SKAP1: variants seen among roughly 807,000 people sequenced by gnomAD.
The protein encoded by SKAP1 is src kinase-associated phosphoprotein 1.
A neutral mutation model predicts 58.5 loss-of-function variants in SKAP1; 44 were observed. The ratio of observed to expected loss-of-function variants is 0.75; its 90% CI spans 0.59 to 0.97. SKAP1 has a LOEUF of 0.97. Ranked by LOEUF, SKAP1 falls within the 50% of genes least tolerant of loss-of-function variation. The pLI, the probability that SKAP1 is intolerant of heterozygous loss-of-function variation, is 0.00. For missense variants in SKAP1, 390 were observed against 435.2 expected (o/e 0.90, Z 0.92); for synonymous variants, 127 against 149.7 (o/e 0.85, Z 1.11).
In SKAP1 at chr17:48,265,500, A is replaced by G. The variant is rs1249068310; in HGVS notation, c.281-76000T>C. ...AGCCTGGGCCTGTCTCAAAAAAAAA[A>G]AAAGCAAGCAAGCAAGCAAGCAAGC... On this transcript the variant is annotated intron_variant, in intron 4 of 12. Transcript: ENST00000336915. Among the ~76,000 whole-genome samples the G allele has an allele frequency of 3.3e-4, 40 of 119,708 alleles. No individual in the cohort carries two copies. The Middle Eastern group carries it at 0.02, about 61-fold the overall frequency. The allele number at this position is 119,708 out of a possible 152,430, so 78.5% of individuals were successfully genotyped here.
At chr17:48,218,815 T>C (rs2064970210) in intron 4 of SKAP1, among the ~76,000 whole-genome samples, 3 of 152,120 alleles carry the variant, frequency 2.0e-5, no homozygotes, top group Non-Finnish European at 4.4e-5. Flanking sequence ...TTACTTCTAT[T>C]GTAGGGTGAT....
intron 2 of SKAP1, among the ~76,000 whole-genome samples, chr17:48,364,288 C>G (rs896984037): frequency 1.1e-4 from 17 of 151,936 alleles, no homozygotes; most frequent in African/African-American, 4.1e-4. Context: ...TTTTTTTTCT[C>G]TGTTACCCAG....
chr17:48,179,849 C>A (rs147239881), intron 9 of SKAP1, among the ~76,000 whole-genome samples: 6 of 152,330 alleles, frequency 3.9e-5, no homozygotes, highest in Admixed American at 2.0e-4. Flanking sequence ...AGAAGACACT[C>A]ATTAATCAAA....
intron 3 of SKAP1, among the ~76,000 whole-genome samples, chr17:48,349,108 G>T (rs1444126250): frequency 2.6e-5 from 4 of 152,226 alleles, no homozygotes; most frequent in African/African-American, 9.6e-5. Flanking sequence ...ACACTCCCAT[G>T]TAATTGAAAT....
At position 48,371,654 on chromosome 17, in the gene SKAP1, CAAAAAAAAAAAAAAAAAAAAA is replaced by C. The variant is rs71141985; in HGVS notation, c.153-7861_153-7841del. On this transcript the variant is annotated intron_variant, in intron 2 of 12. Coordinates refer to ENST00000336915, the MANE Select transcript of SKAP1 (RefSeq NM_003726.4). The stretch of plus-strand genomic sequence containing the variant: ...GTAACATGGTGAAACCTTGTCTCCA[CAAAAAAAAAAAAAAAAAAAAA>C]AAAAAAAAAAAGCCAGGCATGGTGG... Among the ~76,000 whole-genome samples, 2 of 37,892 alleles carry C rather than the reference CAAAAAAAAAAAAAAAAAAAAA, an allele frequency of 5.3e-5. 1 individual carries two copies. Among genetic ancestry groups the C allele is most frequent in the South Asian group, 3.7e-3 (2 of 546 alleles). The allele number at this position is 37,892 out of a possible 152,430, so 24.9% of individuals were successfully genotyped here.
Position 48,363,909 on chromosome 17 carries a change from G to C in SKAP1, c.153-95C>G, listed in dbSNP as rs943785337. 4 of 931,568 alleles carry C rather than the reference G, an allele frequency of 4.3e-6. No individual in the cohort carries two copies. The African/African-American group carries it at 6.6e-5, about 15-fold the overall frequency. The allele number at this position is 931,568 out of a possible 1,614,324, so 57.7% of individuals were successfully genotyped here. A position where few individuals can be genotyped will look rare whatever the true frequency, so the allele number is the denominator to read the frequency against. On this transcript the variant is annotated intron_variant, in intron 2 of 12. Coordinates refer to ENST00000336915, the MANE Select transcript of SKAP1 (RefSeq NM_003726.4). ...ATAGCTATAGCACCTGGTCCAAAAA[G>C]CTTGCTAAAGTCTATAACCAGCCAA...
the SKAP1 span, among the ~76,000 whole-genome samples, chr17:48,440,007 TATCTCTGGGACGAAGCACCA>T: frequency 5.3e-5 from 8 of 152,144 alleles, no homozygotes; most frequent in African/African-American, 1.9e-4. Flanking sequence ...CCCTTCCTCT[TATCTCTGGGACGAAGCACCA>T]GGACGCGGGC....
chr17:48,332,093 T>G (rs2066514187), intron 4 of SKAP1, among the ~76,000 whole-genome samples: 1 of 152,096 alleles, frequency 6.6e-6, no homozygotes, highest in Non-Finnish European at 1.5e-5. Context: ...TTTTAGTTTG[T>G]TTTTTAAAAG....
rs1346380610 is a variant in SKAP1, at chr17:48,162,483, G to A, written c.964C>T (p.Arg322Cys). 4.3e-6 allele frequency: 7 copies of A among 1,613,472 alleles called. No individual in the cohort carries two copies. The highest frequency in any genetic ancestry group is 1.3e-5 in the African/African-American group (1 of 74,986). ...ELSFQRGDLIRILSKEYNMYG... is the reference protein window; with the variant it reads ...ELSFQRGDLICILSKEYNMYG... ...TCTGTCCTTACCTTGCTCAGAATAC[G>A]GATGAGGTCACCCCGTTGGAAGGAC... The change falls in exon 11 of 13, where the codon CGT becomes TGT. Residue 322 changes from arginine to cysteine, a missense_variant. Transcript: ENST00000336915.
At chr17:48,275,400 G>T (rs1290079750) in intron 4 of SKAP1, among the ~76,000 whole-genome samples, 2 of 152,116 alleles carry the variant, frequency 1.3e-5, no homozygotes, top group Non-Finnish European at 2.9e-5. Flanking sequence ...TCCTCTGTCT[G>T]CTTCATCGTA....
intron 4 of SKAP1, among the ~76,000 whole-genome samples, chr17:48,269,855 A>G (rs2065604302): frequency 1.3e-5 from 2 of 152,136 alleles, no homozygotes; most frequent in Admixed American, 6.6e-5. Flanking sequence ...GCACTTTGGG[A>G]GGCTGAGGCG....
intron 4 of SKAP1, among the ~76,000 whole-genome samples, chr17:48,208,330 A>G (rs540575827): frequency 6.6e-6 from 1 of 152,306 alleles, no homozygotes; most frequent in South Asian, 2.1e-4. Flanking sequence ...GGGACCTGTG[A>G]GCACCGGGGA....
intron 11 of SKAP1, among the ~76,000 whole-genome samples, chr17:48,159,552 G>A (rs769244802): frequency 1.1e-4 from 16 of 152,322 alleles, no homozygotes; most frequent in African/African-American, 2.9e-4. Flanking sequence ...CCTTACAGGC[G>A]TGAGAGGCAG....
intron 11 of SKAP1, among the ~76,000 whole-genome samples, chr17:48,155,927 A>G (rs955555498): frequency 2.6e-5 from 4 of 152,226 alleles, no homozygotes; most frequent in Non-Finnish European, 4.4e-5. Flanking sequence ...TGCAGATAAA[A>G]GGAACTAAGC....
intron 1 of SKAP1, 166 bp from the exon 2 acceptor site, chr17:48,396,951 G>A (rs2067428152): frequency 5.5e-6 from 1 of 181,072 alleles, no homozygotes; most frequent in Admixed American, 6.6e-5. Flanking sequence ...CTTTATAGTT[G>A]TGGCACAATG....
At chr17:48,164,850 C>G (rs1391257932) in intron 10 of SKAP1, among the ~76,000 whole-genome samples, 1 of 152,326 alleles carries the variant, frequency 6.6e-6, no homozygotes, top group African/African-American at 2.4e-5. Flanking sequence ...AATTCCTTAG[C>G]TGGGCAAGGT....
intron 4 of SKAP1, among the ~76,000 whole-genome samples, chr17:48,242,277 A>T (rs2065251142): frequency 6.6e-6 from 1 of 152,188 alleles, no homozygotes; most frequent in Admixed American, 6.5e-5. Flanking sequence ...GTCGTTGATC[A>T]GTGTGCCTAG....
Position 48,404,021 on chromosome 17 carries a change from G to A in SKAP1, c.47-7236C>T, listed in dbSNP as rs150383029. Among the ~76,000 whole-genome samples, 92 of 151,476 alleles carry A rather than the reference G, an allele frequency of 6.1e-4. 1 individual carries two copies. In the East Asian group the frequency reaches 0.015, roughly 25 times the overall value. On this transcript the variant is annotated intron_variant, in intron 1 of 12. Transcript: ENST00000336915. ...GGAGAATCCCTTGAACCTGGGAGGC[G>A]GAGAGTGCAGTGAGCTGAGATTGCG... is the stretch of plus-strand genomic sequence containing the variant.
At chr17:48,387,053 C>G (rs2144501771) in intron 2 of SKAP1, among the ~76,000 whole-genome samples, 1 of 152,298 alleles carries the variant, frequency 6.6e-6, no homozygotes, top group East Asian at 1.9e-4. Flanking sequence ...CCAACCTGCT[C>G]CATTTATGCA....
Sources: gnomAD v4.1 joint callset for allele counts (sites outside exome capture counted in the v4.1 genomes callset) on GRCh38, gnomAD v4.1.1 for gene constraint, MANE v1.5 for transcripts, NCBI Gene and HGNC (gene_info 2026-07-23, HGNC 2026-07-21) for gene names.